Variants in CCM2 observed in about 807,000 individuals in gnomAD.
CCM2 encodes CCM2 scaffold protein, also known as cerebral cavernous malformations 2 protein.
CCM2 carries 25 observed loss-of-function variants against 44.9 expected under a neutral mutation model. That is an observed-to-expected ratio of 0.56 (90% CI 0.41 to 0.78). The LOEUF (loss-of-function observed/expected upper bound fraction) is 0.78. Ranked by LOEUF, CCM2 falls within the 30% of genes least tolerant of loss-of-function variation. CCM2 has a pLI of 0.00. For synonymous variants in CCM2, 219 were observed against 241.1 expected (o/e 0.91, Z 0.85); for missense variants, 481 against 580.6 (o/e 0.83, Z 1.76).
In CCM2 at chr7:45,076,431, T is replaced by C. The variant is rs1784271885; in HGVS notation, c.*374T>C. ...ACTCTCAGAGACCTTAAAAAGAAGT[T>C]TACTGCAATGTGAATAATTTAATCT... On this transcript the variant is annotated 3_prime_UTR_variant, in exon 10 of 10. Coordinates refer to ENST00000258781, the MANE Select transcript of CCM2 (RefSeq NM_031443.4). The C allele has an allele frequency of 2.6e-6, 1 of 387,420 alleles. No homozygotes were observed. Among genetic ancestry groups the C allele is most frequent in the African/African-American group, 2.1e-5 (1 of 47,868 alleles). The allele number at this position is 387,420 out of a possible 1,614,324, so 24.0% of individuals were successfully genotyped here.
At chr7:45,009,174 G>A (rs977231220) in intron 1 of CCM2, among the ~76,000 whole-genome samples, 1 of 151,546 alleles carries the variant, frequency 6.6e-6, no homozygotes, top group East Asian at 2.0e-4. Context: ...GGTGGTGTGT[G>A]CCTGTAATCC....
chr7:45,028,030 G>A (rs955009946), intron 1 of CCM2, among the ~76,000 whole-genome samples: 1 of 152,186 alleles, frequency 6.6e-6, no homozygotes, highest in South Asian at 2.1e-4. Context: ...CCACCCAGGT[G>A]GGGAGTATAG....
chr7:45,012,753 T>C (rs4724344), intron 1 of CCM2, among the ~76,000 whole-genome samples: 131,482 of 151,606 alleles, frequency 0.87, 57,327 homozygotes, highest in African/African-American at 0.96. Flanking sequence ...GGTCTCACTA[T>C]GTTGCCCAGG....
intron 2 of CCM2, among the ~76,000 whole-genome samples, chr7:45,050,794 G>T (rs770277843): frequency 3.9e-5 from 6 of 152,100 alleles, no homozygotes; most frequent in Non-Finnish European, 5.9e-5. Flanking sequence ...CCCCTAGTTT[G>T]TCATTTGTCT....
chr7:45,069,509 G>A (rs1373462555), intron 5 of CCM2, among the ~76,000 whole-genome samples: 1 of 152,242 alleles, frequency 6.6e-6, no homozygotes, highest in Admixed American at 6.5e-5. Flanking sequence ...GGATAGGGTT[G>A]TGAGGGTGTT....
intron 1 of CCM2, among the ~76,000 whole-genome samples, chr7:45,037,170 G>A (rs1267693653): frequency 1.2e-4 from 12 of 96,266 alleles, no homozygotes; most frequent in Non-Finnish European, 2.1e-4. Context: ...CCCACCCCCC[G>A]CCGCCATTGT....
At chr7:45,062,580 A>G (rs1360378047) in intron 2 of CCM2, among the ~76,000 whole-genome samples, 3 of 152,248 alleles carry the variant, frequency 2.0e-5, no homozygotes, top group Admixed American at 2.0e-4. Context: ...CACACCTGTA[A>G]TCCCAGCACT....
At chr7:45,040,465 T>G (rs781551303) in intron 2 of CCM2, among the ~76,000 whole-genome samples, 1 of 148,174 alleles carries the variant, frequency 6.7e-6, no homozygotes, top group Non-Finnish European at 1.5e-5. Flanking sequence ...AGAAATGAAA[T>G]TAGATGACCA....
At chr7:45,006,342 T>TA (rs1014797824) in intron 1 of CCM2, among the ~76,000 whole-genome samples, 1 of 150,180 alleles carries the variant, frequency 6.7e-6, no homozygotes, top group African/African-American at 2.5e-5. Context: ...TCTTTTTTTT[T>TA]TTATTTGTTT....
At chr7:45,038,174 A>C in intron 1 of CCM2, 79 bp from the exon 2 acceptor site, 1 of 1,562,234 alleles carries the variant, frequency 6.4e-7, no homozygotes, top group Non-Finnish European at 8.8e-7. Context: ...AGTTTTGGCT[A>C]CTTCTGTTTG....
At chr7:45,008,356 CTTTT>C (rs59435094) in intron 1 of CCM2, among the ~76,000 whole-genome samples, 22 of 114,792 alleles carry the variant, frequency 1.9e-4, no homozygotes, top group African/African-American at 7.7e-4. Flanking sequence ...GGTACATGTT[CTTTT>C]TTTTTTTTTT....
Position 45,027,933 on chromosome 7 carries a change from T to G in CCM2, c.31-10320T>G, listed in dbSNP as rs1796765738. On this transcript the variant is annotated intron_variant, in intron 1 of 9. Transcript: ENST00000258781. ...AGCCCAGTCTCCATGACCCCTGCTT[T>G]GGGAGGATGGGGTGGGTGGAGGGTT... 1.8e-5 allele frequency: 16 copies of G among 893,746 alleles called. 1 individual carries two copies. In the South Asian group the frequency reaches 2.3e-4, roughly 13 times the overall value. 55.4% of individuals were successfully genotyped at this position (893,746 alleles called of 1,614,324 possible).
chr7:45,070,656 A>C (rs1799023885), intron 6 of CCM2: 1 of 280,320 alleles, frequency 3.6e-6, no homozygotes, highest in Non-Finnish European at 7.4e-6. Context: ...GGTGCATAAA[A>C]AGCTGTTGGA....
At chr7:45,062,796 C>T (rs1394942469) in intron 2 of CCM2, among the ~76,000 whole-genome samples, 2 of 147,956 alleles carry the variant, frequency 1.4e-5, no homozygotes, top group African/African-American at 5.0e-5. Flanking sequence ...CTCTGCACCC[C>T]AGCCTGTGTG....
intron 1 of CCM2, among the ~76,000 whole-genome samples, chr7:45,033,671 C>T (rs773089520): frequency 5.3e-5 from 8 of 152,172 alleles, no homozygotes; most frequent in Admixed American, 2.0e-4. Flanking sequence ...TGTGGAGATG[C>T]AAGCTTCCGA....
intron 1 of CCM2, among the ~76,000 whole-genome samples, chr7:45,008,320 T>A (rs10951788): frequency 0.87 from 130,099 of 149,922 alleles, 56,770 homozygotes; most frequent in African/African-American, 0.96. Context: ...AATGTGTGCC[T>A]CTGTGTGCCA....
At chr7:45,070,736 G>A (rs1164220094) in intron 6 of CCM2, 1 of 206,054 alleles carries the variant, frequency 4.9e-6, no homozygotes, top group Non-Finnish European at 1.0e-5. Context: ...ATCACCTGAG[G>A]TCGGGAGTTC....
At chr7:45,039,888 G>A (rs1219025744) in intron 2 of CCM2, among the ~76,000 whole-genome samples, 1 of 151,938 alleles carries the variant, frequency 6.6e-6, no homozygotes, top group African/African-American at 2.4e-5. Flanking sequence ...TTAGCCGGGC[G>A]TGGTGGCAGG....
intron 1 of CCM2, among the ~76,000 whole-genome samples, chr7:45,028,174 C>G (rs1796776844): frequency 6.6e-6 from 1 of 152,168 alleles, no homozygotes; most frequent in African/African-American, 2.4e-5. Context: ...AGGGAGATGG[C>G]CAAGCAAGAG....
Sources: allele counts gnomAD v4.1 joint callset (sites outside exome capture counted in the v4.1 genomes callset), GRCh38; gene constraint gnomAD v4.1.1; transcripts MANE v1.5; gene names NCBI Gene and HGNC (gene_info 2026-07-23, HGNC 2026-07-21).